Variants in LRRC49 observed in about 807,000 individuals in gnomAD.
LRRC49 encodes the protein leucine rich repeat containing 49.
In LRRC49, 50 loss-of-function variants were observed where a neutral mutation model predicts 83.3. The ratio of observed to expected loss-of-function variants is 0.60; its 90% CI spans 0.48 to 0.76. LRRC49 has a LOEUF of 0.76. LRRC49 is among the 30% of genes least tolerant of loss of function. The pLI is 0.00. For missense variants in LRRC49, 704 were observed against 809.1 expected, an observed-to-expected ratio of 0.87 and a Z score of 1.58; for synonymous variants, 286 against 283.3, an observed-to-expected ratio of 1.01 and a Z score of -0.10.
At chr15:71,006,903 A>G (rs1399080444) in intron 11 of LRRC49, among the ~76,000 whole-genome samples, 1 of 152,078 alleles carries the variant, frequency 6.6e-6, no homozygotes, top group African/African-American at 2.4e-5. Flanking sequence ...GTATCACACA[A>G]AGCACAATGT....
intron 2 of LRRC49, chr15:70,882,880 G>C: frequency 3.1e-6 from 5 of 1,613,974 alleles, no homozygotes; most frequent in Non-Finnish European, 4.2e-6. Flanking sequence ...ATGGGGTTGG[G>C]TTTGCACAAG....
Position 71,039,752 on chromosome 15 carries a change from C to G in LRRC49, c.1857+2420C>G, listed in dbSNP as rs555703486. 1.4e-4 allele frequency among the ~76,000 whole-genome samples: 21 copies of G among 152,226 alleles called. No homozygotes were observed. In the South Asian group the frequency reaches 2.9e-3, roughly 21 times the overall value. On this transcript the variant is annotated intron_variant, in intron 15 of 15. Coordinates refer to ENST00000260382, the MANE Select transcript of LRRC49 (RefSeq NM_017691.5). ...GGAGGGCCAACTGTATTTAGTAAATCTAAACATGCCAATTTACATTAAAGA... is the reference window on the plus strand; with the variant it reads ...GGAGGGCCAACTGTATTTAGTAAATGTAAACATGCCAATTTACATTAAAGA...
Position 70,895,916 on chromosome 15 carries a change from G to T in LRRC49, c.173G>T (p.Arg58Ile). 6.2e-7 allele frequency: 1 copy of T among 1,607,494 alleles called. No homozygotes were observed. The highest frequency in any genetic ancestry group is 1.3e-5 in the African/African-American group (1 of 74,860). The stretch of plus-strand genomic sequence containing the variant: ...AGACTTTTACAACATGACCTTGAAA[G>T]AAACTACTCAAGTAGGCAAGGTATT... ...PGRLLQHDLE[R>I]NYSSRQGDHI... Residue 58 changes from arginine to isoleucine, a missense_variant, in exon 3 of 16, where the codon AGA becomes ATA. By Grantham distance (97) the Arg-to-Ile change is moderately conservative. Coordinates refer to ENST00000260382, the MANE Select transcript of LRRC49 (RefSeq NM_017691.5).
chr15:70,867,970 G>A (rs1308164186), intron 1 of LRRC49, among the ~76,000 whole-genome samples: 2 of 152,250 alleles, frequency 1.3e-5, no homozygotes, highest in Admixed American at 1.3e-4. Context: ...AGATGCTCCG[G>A]CAGCTCCGTT....
chr15:70,861,622 C>T (rs1354626968), intron 1 of LRRC49, among the ~76,000 whole-genome samples: 2 of 152,114 alleles, frequency 1.3e-5, no homozygotes, highest in Non-Finnish European at 2.9e-5. Flanking sequence ...ACGTCTTGCT[C>T]TCATAATATT....
rs1375893690 is a variant in LRRC49 at position 70,904,603 on chromosome 15, G to T, written c.348G>T (p.Leu116Phe). 3 of 1,613,596 alleles carry T rather than the reference G, an allele frequency of 1.9e-6. No individual in the cohort carries two copies. In the African/African-American group the frequency reaches 4.0e-5, roughly 22 times the overall value. Residue 116 changes from leucine (L) to phenylalanine (F), a missense_variant, in exon 5 of 16, where the codon TTG becomes TTT. This residue lies in a region of LRRC49 where 261 missense variants were observed against 330.5 expected (regional missense o/e 0.79). Transcript: ENST00000260382. Reference sequence around the variant, plus strand: ...TCAATGGGGAAGACCACCTTCGTTTGTTGAACTTTCAACACAATTTTATAA... The same window carrying T: ...TCAATGGGGAAGACCACCTTCGTTTTTTGAACTTTCAACACAATTTTATAA... ...PIINGEDHLR[L>F]LNFQHNFITR...
chr15:70,984,149 AAC>A lies in LRRC49; in HGVS notation c.1062_1063del (p.Arg355SerfsTer8), dbSNP rs1555436263. 1.4e-6 allele frequency: 2 copies of A among 1,382,864 alleles called. No homozygotes were observed. The highest frequency in any genetic ancestry group is 2.1e-6 in the Non-Finnish European group (2 of 975,352). The allele number at this position is 1,382,864 out of a possible 1,614,324, so 85.7% of individuals were successfully genotyped here. ...GCTCGACAGTGGGACTTGCAACAAC[AAC>A]GAGTAGCCAATATTGCTACAAATGA... On this transcript the variant is annotated frameshift_variant, in exon 11 of 16. Coordinates refer to ENST00000260382, the MANE Select transcript of LRRC49 (RefSeq NM_017691.5). LOFTEE classifies it high-confidence loss of function.
chr15:70,881,978 G>A (rs540295060), intron 2 of LRRC49: 1 of 153,580 alleles, frequency 6.5e-6, no homozygotes, highest in Non-Finnish European at 1.4e-5. Context: ...AATAGTCAAG[G>A]GTAGATGTCC....
chr15:70,956,605 A>C (rs2036412221), intron 8 of LRRC49, among the ~76,000 whole-genome samples: 1 of 151,616 alleles, frequency 6.6e-6, no homozygotes, highest in Non-Finnish European at 1.5e-5. Flanking sequence ...TTTTTTAAAC[A>C]GTCTGCTTTT....
intron 11 of LRRC49, among the ~76,000 whole-genome samples, chr15:70,984,841 C>T (rs2037542592): frequency 6.9e-6 from 1 of 145,838 alleles, no homozygotes; most frequent in East Asian, 2.1e-4. Context: ...CATGTGTTCT[C>T]ATTGTTCAGT....
rs988839880 is a variant in LRRC49 at position 71,050,181 on chromosome 15, A to G, written c.*569A>G. 7 of 152,226 alleles carry G rather than the reference A, an allele frequency of 4.6e-5. No individual in the cohort carries two copies. Among genetic ancestry groups the G allele is most frequent in the African/African-American group, 1.7e-4 (7 of 41,456 alleles). 9.4% of individuals were successfully genotyped at this position (152,226 alleles called of 1,614,324 possible). On this transcript the variant is annotated 3_prime_UTR_variant, in exon 16 of 16. Transcript: ENST00000260382. ...TATTCACCTATATGGAGGATGCCCC[A>G]TTCTTCTAGGAATGCATTCTCAGGG...
chr15:70,986,271 G>A (rs1244199608), intron 11 of LRRC49, among the ~76,000 whole-genome samples: 2 of 152,130 alleles, frequency 1.3e-5, no homozygotes, highest in Admixed American at 6.5e-5. Context: ...CATGAGCATG[G>A]AATGTTCTTC....
chr15:70,932,932 A>G (rs2035464122), intron 7 of LRRC49, among the ~76,000 whole-genome samples: 1 of 151,494 alleles, frequency 6.6e-6, no homozygotes, highest in East Asian at 1.9e-4. Context: ...GTTTCACCAC[A>G]CTGGTCAGGC....
At chr15:70,871,342 T>C (rs1712468772) in intron 1 of LRRC49, among the ~76,000 whole-genome samples, 2 of 152,222 alleles carry the variant, frequency 1.3e-5, no homozygotes, top group Non-Finnish European at 2.9e-5. Flanking sequence ...GAGTCTCCCA[T>C]GTCTACTTCT....
intron 8 of LRRC49, among the ~76,000 whole-genome samples, chr15:70,962,249 C>T (rs887549687): frequency 6.6e-6 from 1 of 152,152 alleles, no homozygotes; most frequent in Non-Finnish European, 1.5e-5. Flanking sequence ...TAGAATGATT[C>T]ATTTGGTGAT....
At position 70,998,416 on chromosome 15, in the gene LRRC49, A is replaced by T. The variant is rs540251471; in HGVS notation, c.1170-9963A>T. Reference sequence around the variant, plus strand: ...TGTTTATCAGGGAATGTCTTAATTTATCTCTTATTTGTGAAGTCCAGTTTT... The same window carrying T: ...TGTTTATCAGGGAATGTCTTAATTTTTCTCTTATTTGTGAAGTCCAGTTTT... On this transcript the variant is annotated intron_variant, in intron 11 of 15. Coordinates refer to ENST00000260382, the MANE Select transcript of LRRC49 (RefSeq NM_017691.5). 5.3e-5 allele frequency among the ~76,000 whole-genome samples: 8 copies of T among 151,790 alleles called. No individual in the cohort carries two copies. In the South Asian group the frequency reaches 1.7e-3, roughly 32 times the overall value.
At chr15:70,880,196 A>G (rs2033234548) in intron 2 of LRRC49, among the ~76,000 whole-genome samples, 1 of 152,180 alleles carries the variant, frequency 6.6e-6, no homozygotes, top group African/African-American at 2.4e-5. Context: ...CTCTCCTCAG[A>G]GAGGTCTTTT....
intron 11 of LRRC49, among the ~76,000 whole-genome samples, chr15:70,992,134 T>C (rs2037903710): frequency 1.3e-5 from 2 of 152,210 alleles, no homozygotes; most frequent in South Asian, 4.1e-4. Flanking sequence ...CATCACATAG[T>C]TCCCGTGCCA....
intron 1 of LRRC49, among the ~76,000 whole-genome samples, chr15:70,863,677 G>A (rs1405122474): frequency 6.6e-6 from 1 of 152,220 alleles, no homozygotes; most frequent in African/African-American, 2.4e-5. Flanking sequence ...AAAGATGAGT[G>A]ATTTGGGGGA....
Sources: gnomAD v4.1 joint callset for allele counts (sites outside exome capture counted in the v4.1 genomes callset) on GRCh38, gnomAD v4.1.1 for gene constraint, gnomAD v4.1.1 regional missense constraint, MANE v1.5 for transcripts, NCBI Gene and HGNC (gene_info 2026-07-23, HGNC 2026-07-21) for gene names.